The following NSRP1 variants were observed in gnomAD, a reference collection of about 807,000 sequenced individuals.
NSRP1 encodes nuclear speckle splicing regulatory protein 1.
Under a neutral mutation model 54.7 loss-of-function variants are expected in NSRP1, and 24 were observed. The observed-to-expected ratio is 0.44, with a 90% CI of 0.32 to 0.62. The LOEUF (loss-of-function observed/expected upper bound fraction) is 0.62. Ranked by LOEUF, NSRP1 falls within the 20% of genes least tolerant of loss-of-function variation. NSRP1 has a pLI of 0.06. For missense variants in NSRP1, 596 were observed against 651.2 expected, an observed-to-expected ratio of 0.92 and a Z score of 0.92; for synonymous variants, 210 against 213.8, an observed-to-expected ratio of 0.98 and a Z score of 0.15.
chr17:30,132,024 G>A (rs562559237), intron 2 of NSRP1, among the ~76,000 whole-genome samples: 16 of 152,118 alleles, frequency 1.1e-4, no homozygotes, highest in African/African-American at 2.4e-4. Flanking sequence ...CGAGGCGGGC[G>A]GATCACAAGG....
At chr17:30,118,797 G>A (rs1438626921) in intron 2 of NSRP1, among the ~76,000 whole-genome samples, 1 of 148,752 alleles carries the variant, frequency 6.7e-6, no homozygotes, top group Non-Finnish European at 1.5e-5. Flanking sequence ...TGCCCAGGCT[G>A]GAGTGCAATG....
intron 2 of NSRP1, chr17:30,127,718 T>TA (rs2071663208): frequency 2.1e-5 from 7 of 330,166 alleles, no homozygotes; most frequent in African/African-American, 4.3e-5. Flanking sequence ...CTGGCCTAGT[T>TA]GTTGCTTTTG....
chr17:30,168,882 C>T (rs1904830084), intron 2 of NSRP1: 1 of 151,916 alleles, frequency 6.6e-6, no homozygotes. Flanking sequence ...AATTGAGAAT[C>T]AAATGACCTT....
At chr17:30,152,176 G>A (rs886102019) in intron 2 of NSRP1, among the ~76,000 whole-genome samples, 2 of 151,858 alleles carry the variant, frequency 1.3e-5, no homozygotes, top group African/African-American at 4.8e-5. Context: ...AGGCTGGAGT[G>A]CAGTGGCGCG....
intron 2 of NSRP1, among the ~76,000 whole-genome samples, chr17:30,127,346 T>C (rs1567789965): frequency 6.6e-6 from 1 of 152,254 alleles, no homozygotes; most frequent in Non-Finnish European, 1.5e-5. Flanking sequence ...AACAATGGTA[T>C]ACTTGTGAAA....
intron 2 of NSRP1, among the ~76,000 whole-genome samples, chr17:30,151,311 C>A (rs9910970): frequency 6.6e-6 from 1 of 151,822 alleles, no homozygotes; most frequent in African/African-American, 2.4e-5. Flanking sequence ...GGGGTTAGAG[C>A]TACCAACACC....
chr17:30,140,763 C>A (rs575981314), intron 2 of NSRP1, among the ~76,000 whole-genome samples: 113 of 152,008 alleles, frequency 7.4e-4, no homozygotes, highest in African/African-American at 2.7e-3. Flanking sequence ...CTCCTGACCT[C>A]GTGATCCGCA....
chr17:30,132,795 T>C (rs2071713293), intron 2 of NSRP1, among the ~76,000 whole-genome samples: 1 of 152,224 alleles, frequency 6.6e-6, no homozygotes, highest in Admixed American at 6.5e-5. Context: ...TCCAAACTCA[T>C]GTTAATGATG....
chr17:30,116,831 A>C lies in NSRP1; in HGVS notation c.-13A>C, dbSNP rs1367051598. On this transcript the variant is annotated 5_prime_UTR_variant, in exon 1 of 7. Coordinates refer to ENST00000247026, the MANE Select transcript of NSRP1 (RefSeq NM_032141.4). The stretch of plus-strand genomic sequence containing the variant: ...CGGAGGCGTCGGCCACGTTCAGCGG[A>C]CACGGGAGCAAGATGGCGATTCCGG... 7 of 1,572,782 alleles carry C rather than the reference A, an allele frequency of 4.5e-6. No individual in the cohort carries two copies. In the Admixed American group the frequency reaches 1.3e-4, roughly 29 times the overall value.
intron 2 of NSRP1, among the ~76,000 whole-genome samples, chr17:30,137,408 T>C (rs2071759746): frequency 6.6e-6 from 1 of 152,190 alleles, no homozygotes; most frequent in East Asian, 1.9e-4. Context: ...GTATGCTGTA[T>C]CTGAGCAAAA....
At chr17:30,181,398 C>CTT (rs61484398) in intron 6 of NSRP1, among the ~76,000 whole-genome samples, 5 of 121,904 alleles carry the variant, frequency 4.1e-5, no homozygotes, top group Admixed American at 8.5e-5. Context: ...TTTCTTTTTT[C>CTT]TTTTTTTTTT....
In NSRP1 at chr17:30,185,353, C is replaced by T. The variant is rs769363262; in HGVS notation, c.1356C>T (p.Asp452=). The T allele has an allele frequency of 6.2e-7, 1 of 1,611,888 alleles. No individual in the cohort carries two copies. The highest frequency in any genetic ancestry group is 8.5e-7 in the Non-Finnish European group (1 of 1,179,486). ...TTCAGTCTTCAGAAAGAAATCAAGACAGAAAGGAAAGCAGCCCAAATTCTA... is the reference window on the plus strand; with the variant it reads ...TTCAGTCTTCAGAAAGAAATCAAGATAGAAAGGAAAGCAGCCCAAATTCTA... ...VGVQSSERNQ[D]RKESSPNSRA... is the part of the protein sequence containing the mutation. Residue 452 remains aspartate (D), a synonymous_variant, in exon 7 of 7, where the codon GAC becomes GAT. Transcript: ENST00000247026.
At chr17:30,151,490 A>T (rs2071909592) in intron 2 of NSRP1, among the ~76,000 whole-genome samples, 1 of 152,192 alleles carries the variant, frequency 6.6e-6, no homozygotes, top group South Asian at 2.1e-4. Context: ...CATAAGGAAG[A>T]TATATAATAA....
At chr17:30,183,102 C>T (rs1004514199) in intron 6 of NSRP1, among the ~76,000 whole-genome samples, 4 of 151,538 alleles carry the variant, frequency 2.6e-5, no homozygotes, top group African/African-American at 9.7e-5. Flanking sequence ...TCTATTAATG[C>T]TGGTCTAGAA....
chr17:30,180,773 G>C, intron 5 of NSRP1, 135 bp from the exon 6 acceptor site: 1 of 580,968 alleles, frequency 1.7e-6, no homozygotes, highest in South Asian at 2.3e-5. Context: ...CAACAGGCCA[G>C]ATTTGGCCTG....
chr17:30,175,977 T>C (rs1342616233), intron 3 of NSRP1, among the ~76,000 whole-genome samples: 1 of 149,128 alleles, frequency 6.7e-6, no homozygotes, highest in Non-Finnish European at 1.5e-5. Flanking sequence ...CACTCCAGGC[T>C]AGGCAACAGA....
At chr17:30,118,611 G>A (rs1293505407) in intron 2 of NSRP1, among the ~76,000 whole-genome samples, 1 of 151,912 alleles carries the variant, frequency 6.6e-6, no homozygotes, top group Non-Finnish European at 1.5e-5. Flanking sequence ...AGTTATAATC[G>A]TGGTAGTGAA....
At chr17:30,169,171 T>C (rs1287792270) in intron 2 of NSRP1, among the ~76,000 whole-genome samples, 1 of 152,078 alleles carries the variant, frequency 6.6e-6, no homozygotes, top group East Asian at 1.9e-4. Flanking sequence ...GCTTATTCTA[T>C]ATTTTATAAA....
chr17:30,184,216 A>C (rs961859734), intron 6 of NSRP1, among the ~76,000 whole-genome samples: 1 of 152,180 alleles, frequency 6.6e-6, no homozygotes, highest in African/African-American at 2.4e-5. Context: ...TAAGAAAGGA[A>C]ACAACAAATC....
Sources: gnomAD v4.1 joint callset for allele counts (sites outside exome capture counted in the v4.1 genomes callset) on GRCh38, gnomAD v4.1.1 for gene constraint, MANE v1.5 for transcripts, NCBI Gene and HGNC (gene_info 2026-07-23, HGNC 2026-07-21) for gene names.